Variants in ARMC8 observed in about 807,000 individuals in gnomAD.
ARMC8 encodes armadillo repeat-containing protein 8.
In ARMC8, 20 loss-of-function variants were observed where a neutral mutation model predicts 99.3. The ratio of observed to expected loss-of-function variants is 0.20; its 90% CI spans 0.14 to 0.29. ARMC8 has a LOEUF of 0.29. Ranked by LOEUF, ARMC8 falls within the 10% of genes least tolerant of loss-of-function variation. ARMC8 has a pLI of 1.00. For synonymous variants in ARMC8, 263 were observed against 278.3 expected, an observed-to-expected ratio of 0.95 and a Z score of 0.55; for missense variants, 569 against 809.5, an observed-to-expected ratio of 0.70 and a Z score of 3.60.
At chr3:138,239,045 A>C (rs1425295337) in intron 9 of ARMC8, 1 of 166,142 alleles carries the variant, frequency 6.0e-6, no homozygotes, top group African/African-American at 2.4e-5. Context: ...CTTCTACTGC[A>C]TTTGGAGTTA....
At chr3:138,205,911 G>A (rs368722434) in intron 1 of ARMC8, among the ~76,000 whole-genome samples, 17 of 152,272 alleles carry the variant, frequency 1.1e-4, no homozygotes, top group African/African-American at 3.6e-4. Flanking sequence ...TTCTATACTA[G>A]TGCTATCCAA....
chr3:138,244,088 T>C (rs968821577), intron 11 of ARMC8, among the ~76,000 whole-genome samples: 3 of 152,160 alleles, frequency 2.0e-5, no homozygotes, highest in African/African-American at 7.2e-5. Flanking sequence ...TGATAATTAG[T>C]TATGCATGTT....
At chr3:138,215,541 C>G (rs879828964) in intron 2 of ARMC8, among the ~76,000 whole-genome samples, 1 of 152,046 alleles carries the variant, frequency 6.6e-6, no homozygotes, top group African/African-American at 2.4e-5. Context: ...ATGTATAAAG[C>G]GCTTAACTGC....
intron 5 of ARMC8, among the ~76,000 whole-genome samples, chr3:138,228,418 T>A (rs868169116): frequency 6.6e-6 from 1 of 152,228 alleles, no homozygotes; most frequent in Non-Finnish European, 1.5e-5. Flanking sequence ...AAGCTGCCAG[T>A]CATATAAATT....
intron 12 of ARMC8, among the ~76,000 whole-genome samples, chr3:138,249,997 C>T (rs1386708548): frequency 1.3e-5 from 2 of 152,020 alleles, no homozygotes; most frequent in Non-Finnish European, 2.9e-5. Flanking sequence ...TTTACATTTT[C>T]AAGAATTGAA....
intron 1 of ARMC8, chr3:138,188,302 G>C: frequency 9.6e-7 from 1 of 1,040,662 alleles, no homozygotes; most frequent in Non-Finnish European, 1.3e-6. Context: ...AACATTGAAG[G>C]GGGGAAAAGG....
At position 138,267,122 on chromosome 3, in the gene ARMC8, A is replaced by G. The variant is rs764126882; in HGVS notation, c.1300-33A>G. 2.0e-5 allele frequency: 22 copies of G among 1,118,984 alleles called. No individual in the cohort carries two copies. The South Asian group carries it at 2.5e-4, about 13-fold the overall frequency. 69.3% of individuals were successfully genotyped at this position (1,118,984 alleles called of 1,614,324 possible). A position where few individuals can be genotyped will look rare whatever the true frequency, so the allele number is the denominator to read the frequency against. On this transcript the variant is annotated intron_variant, in intron 14 of 21. Coordinates refer to ENST00000469044, the MANE Select transcript of ARMC8 (RefSeq NM_001363941.2). ...TTTATATCTCATCTTCATCATTCCA[A>G]ATCATTAGTAGTATCCTTTTTTAAT...
intron 13 of ARMC8, 99 bp from the exon 14 acceptor site, chr3:138,264,032 G>T (rs2048011567): frequency 8.9e-7 from 1 of 1,125,456 alleles, no homozygotes. Context: ...ATGTAGATAT[G>T]CTTGAAGTGT....
Position 138,263,730 on chromosome 3 carries a change from T to C in ARMC8, c.1135-9T>C, listed in dbSNP as rs762997332. ...TTGTTATTTATGCAGCATTAACCTT[T>C]TTCTCCAGATCATTGAGACTGAAAA... On this transcript the variant is annotated splice_polypyrimidine_tract_variant and intron_variant, in intron 12 of 21. Coordinates refer to ENST00000469044, the MANE Select transcript of ARMC8 (RefSeq NM_001363941.2). 3 of 1,612,218 alleles carry C rather than the reference T, an allele frequency of 1.9e-6. No homozygotes were observed. Among genetic ancestry groups the C allele is most frequent in the South Asian group, 1.1e-5 (1 of 91,062 alleles).
intron 1 of ARMC8, among the ~76,000 whole-genome samples, chr3:138,205,125 G>A (rs2044297406): frequency 7.6e-6 from 1 of 132,040 alleles, no homozygotes; most frequent in East Asian, 2.4e-4. Flanking sequence ...CTGGAGTGCA[G>A]TGACGTGATC....
chr3:138,288,963 A>G, intron 19 of ARMC8, 85 bp from the exon 20 acceptor site: 9 of 1,073,986 alleles, frequency 8.4e-6, no homozygotes, highest in Non-Finnish European at 1.2e-5. Context: ...GGTTATAGGA[A>G]TTGGCTATGG....
intron 2 of ARMC8, among the ~76,000 whole-genome samples, chr3:138,214,174 A>C (rs2044871465): frequency 6.6e-6 from 1 of 151,614 alleles, no homozygotes; most frequent in Non-Finnish European, 1.5e-5. Context: ...AAAAAAAAAA[A>C]GGTTAGCAGA....
At chr3:138,227,450 C>A (rs2045753228) in intron 5 of ARMC8, among the ~76,000 whole-genome samples, 1 of 152,176 alleles carries the variant, frequency 6.6e-6, no homozygotes, top group Non-Finnish European at 1.5e-5. Context: ...TGACATTTTC[C>A]TTTTCTTTCT....
chr3:138,239,352 A>G, intron 9 of ARMC8, 116 bp from the exon 10 acceptor site: 1 of 691,354 alleles, frequency 1.4e-6, no homozygotes, highest in South Asian at 2.0e-5. Context: ...CTTCACTCTC[A>G]AGATAAGTGA....
At chr3:138,218,660 T>A (rs1008293171) in intron 2 of ARMC8, among the ~76,000 whole-genome samples, 5 of 152,216 alleles carry the variant, frequency 3.3e-5, no homozygotes, top group Non-Finnish European at 7.3e-5. Flanking sequence ...AATTTAGTAC[T>A]GACTTACATT....
chr3:138,218,106 AGTCAGTGCTCTGAAGG>A (rs2045178689), intron 2 of ARMC8, among the ~76,000 whole-genome samples: 2 of 152,324 alleles, frequency 1.3e-5, no homozygotes, highest in South Asian at 4.1e-4. Context: ...TGAATAATGT[AGTCAGTGCTCTGAAGG>A]GTCCAAAAGT....
intron 6 of ARMC8, among the ~76,000 whole-genome samples, chr3:138,231,331 C>T (rs546566381): frequency 9.9e-5 from 15 of 151,946 alleles, no homozygotes; most frequent in Non-Finnish European, 1.3e-4. Context: ...AATTTTAAGA[C>T]TCATAGGGAC....
intron 1 of ARMC8, chr3:138,187,897 T>A: frequency 2.2e-6 from 1 of 463,084 alleles, no homozygotes; most frequent in Non-Finnish European, 3.9e-6. Context: ...CGGCTTGGAC[T>A]TTGCCAAGCG....
intron 21 of ARMC8, among the ~76,000 whole-genome samples, chr3:138,290,975 T>C (rs1218673529): frequency 6.6e-6 from 1 of 152,210 alleles, no homozygotes; most frequent in Admixed American, 6.5e-5. Flanking sequence ...ATGCAAACAT[T>C]CATTAGCTCA....
Sources: allele counts gnomAD v4.1 joint callset (sites outside exome capture counted in the v4.1 genomes callset), GRCh38; gene constraint gnomAD v4.1.1; transcripts MANE v1.5; gene names NCBI Gene and HGNC (gene_info 2026-07-23, HGNC 2026-07-21).